Variants in AKAP6 observed in about 807,000 individuals in gnomAD.
AKAP6 encodes the protein A-kinase anchoring protein 6.
Under a neutral mutation model 188.5 loss-of-function variants are expected in AKAP6, and 58 were observed. That is an observed-to-expected ratio of 0.31 (90% CI 0.25 to 0.38). AKAP6 has a LOEUF of 0.38. Among genes scored for constraint, AKAP6 ranks in the 10% least tolerant of loss-of-function variants. The pLI is 1.00. For missense variants in AKAP6, 2,710 were observed against 2,740.0 expected (o/e 0.99, Z 0.24); for synonymous variants, 989 against 998.6 (o/e 0.99, Z 0.18).
At chr14:32,419,325 A>G (rs911765969) in intron 1 of AKAP6, among the ~76,000 whole-genome samples, 12 of 152,162 alleles carry the variant, frequency 7.9e-5, no homozygotes, top group African/African-American at 2.4e-4. Flanking sequence ...CTCTTTTTAC[A>G]TGTCTGGGAG....
At position 32,622,690 on chromosome 14, in the gene AKAP6, G is replaced by T. The variant is rs530715027; in HGVS notation, c.2730+21898G>T. On this transcript the variant is annotated intron_variant, in intron 7 of 13. Coordinates refer to ENST00000280979, the MANE Select transcript of AKAP6 (RefSeq NM_004274.5). ...ACAACATTTCTAAACTCATATAGTT[G>T]CTGTCAGGGTGGGAGTCTGACTTCT... 5.3e-5 allele frequency among the ~76,000 whole-genome samples: 8 copies of T among 152,190 alleles called. No individual in the cohort carries two copies. In the South Asian group the frequency reaches 1.7e-3, roughly 32 times the overall value.
At chr14:32,566,735 A>G (rs1384324879) in intron 4 of AKAP6, among the ~76,000 whole-genome samples, 1 of 152,206 alleles carries the variant, frequency 6.6e-6, no homozygotes, top group African/African-American at 2.4e-5. Flanking sequence ...AGCCAATAGT[A>G]CTTTGAAGTT....
chr14:32,818,688 C>T (rs958094529), intron 12 of AKAP6, among the ~76,000 whole-genome samples: 15 of 152,042 alleles, frequency 9.9e-5, no homozygotes, highest in African/African-American at 3.4e-4. Context: ...TTCGTAAAGC[C>T]GTAAAGGCAG....
At chr14:32,816,109 G>A (rs1462163855) in intron 12 of AKAP6, among the ~76,000 whole-genome samples, 1 of 152,172 alleles carries the variant, frequency 6.6e-6, no homozygotes, top group Non-Finnish European at 1.5e-5. Flanking sequence ...AAGAGGCAGA[G>A]TACTACAAAC....
chr14:32,452,519 G>C (rs1351319641), intron 2 of AKAP6, among the ~76,000 whole-genome samples: 1 of 152,058 alleles, frequency 6.6e-6, no homozygotes, highest in Non-Finnish European at 1.5e-5. Context: ...AATTGGAATT[G>C]CTTAGTCAGA....
chr14:32,589,843 A>G (rs900736584), intron 5 of AKAP6, among the ~76,000 whole-genome samples: 18 of 152,192 alleles, frequency 1.2e-4, no homozygotes, highest in Admixed American at 5.9e-4. Context: ...GTTTACAGAC[A>G]AGCCTCACAC....
At chr14:32,527,376 G>T (rs922673977) in intron 2 of AKAP6, among the ~76,000 whole-genome samples, 3 of 40,038 alleles carry the variant, frequency 7.5e-5, no homozygotes, top group African/African-American at 3.6e-4. Context: ...GGCAATCCTT[G>T]GTTGCTTCCA....
intron 4 of AKAP6, among the ~76,000 whole-genome samples, chr14:32,554,498 A>C (rs1384059863): frequency 1.3e-5 from 2 of 152,290 alleles, no homozygotes; most frequent in Non-Finnish European, 2.9e-5. Context: ...TAATGCTGCA[A>C]AGTGTGAGAG....
intron 11 of AKAP6, among the ~76,000 whole-genome samples, chr14:32,772,254 A>C (rs1273886792): frequency 1.3e-5 from 2 of 152,200 alleles, no homozygotes; most frequent in African/African-American, 4.8e-5. Context: ...AATTAATAGC[A>C]GCAGTAAAGA....
intron 3 of AKAP6, among the ~76,000 whole-genome samples, chr14:32,536,894 G>C (rs937679660): frequency 6.6e-6 from 1 of 152,124 alleles, no homozygotes; most frequent in African/African-American, 2.4e-5. Flanking sequence ...GGGTGTGTAC[G>C]CGCAGGCATG....
chr14:32,816,339 C>T lies in AKAP6; in HGVS notation c.3589-5063C>T, dbSNP rs141667620. 3.6e-3 allele frequency among the ~76,000 whole-genome samples: 551 copies of T among 152,198 alleles called. 6 individuals carry two copies. Among genetic ancestry groups the T allele is most frequent in the African/African-American group, 0.013 (524 of 41,530 alleles). On this transcript the variant is annotated intron_variant, in intron 12 of 13. Coordinates refer to ENST00000280979, the MANE Select transcript of AKAP6 (RefSeq NM_004274.5). The stretch of plus-strand genomic sequence containing the variant: ...TCCAGAGTAGCTAGGACAACAGGCA[C>T]ATGCCACCATGCCTGGCTAATTTTA...
At chr14:32,483,713 A>G (rs1357859037) in intron 2 of AKAP6, among the ~76,000 whole-genome samples, 3 of 151,942 alleles carry the variant, frequency 2.0e-5, no homozygotes, top group East Asian at 1.9e-4. Flanking sequence ...TGAACTCCCA[A>G]CCTCAGGTGA....
In AKAP6 at chr14:32,615,167, CAAA is replaced by C. The variant is rs71115086; in HGVS notation, c.2730+14392_2730+14394del. Among the ~76,000 whole-genome samples, 598 of 53,500 alleles carry C rather than the reference CAAA, an allele frequency of 0.011. 107 individuals carry two copies. In the East Asian group the frequency reaches 0.26, roughly 23 times the overall value. 35.1% of individuals were successfully genotyped at this position (53,500 alleles called of 152,430 possible). A position where few individuals can be genotyped will look rare whatever the true frequency, so the allele number is the denominator to read the frequency against. On this transcript the variant is annotated intron_variant, in intron 7 of 13. Coordinates refer to ENST00000280979, the MANE Select transcript of AKAP6 (RefSeq NM_004274.5). ...CTGGCAACAGAGCAAGACTCTGTCT[CAAA>C]AAAAAAAAAAAAAAAAGATAAACAA...
intron 5 of AKAP6, among the ~76,000 whole-genome samples, chr14:32,584,237 A>T (rs1294242326): frequency 2.0e-5 from 3 of 152,138 alleles, no homozygotes; most frequent in African/African-American, 7.2e-5. Flanking sequence ...CATGTATACC[A>T]TGTCTTTGAT....
chr14:32,337,802 C>G (rs1443964036), intron 1 of AKAP6, among the ~76,000 whole-genome samples: 1 of 148,236 alleles, frequency 6.7e-6, no homozygotes, highest in African/African-American at 2.5e-5. Flanking sequence ...TGAATTTTGA[C>G]TAAACTGAAA....
At chr14:32,615,393 A>C (rs1594784248) in intron 7 of AKAP6, among the ~76,000 whole-genome samples, 2 of 144,060 alleles carry the variant, frequency 1.4e-5, no homozygotes, top group Middle Eastern at 7.1e-3. Context: ...GACCTTCAGC[A>C]CTTCTTATAA....
At chr14:32,572,384 C>T (rs1357628639) in intron 4 of AKAP6, among the ~76,000 whole-genome samples, 2 of 152,206 alleles carry the variant, frequency 1.3e-5, no homozygotes, top group Non-Finnish European at 2.9e-5. Flanking sequence ...GTTTAAAAAT[C>T]ACCCTTCGAC....
At position 32,662,745 on chromosome 14, in the gene AKAP6, G is replaced by A. The variant is rs576093774; in HGVS notation, c.2731-15566G>A. 1.2e-4 allele frequency among the ~76,000 whole-genome samples: 18 copies of A among 152,186 alleles called. 1 individual carries two copies. The South Asian group carries it at 3.5e-3, about 30-fold the overall frequency. On this transcript the variant is annotated intron_variant, in intron 7 of 13. Coordinates refer to ENST00000280979, the MANE Select transcript of AKAP6 (RefSeq NM_004274.5). ...AGGTAATCTGTAGGATAATGCTTGG[G>A]CATTCTGTGAATGTTCTGTTTTCCG... is the stretch of plus-strand genomic sequence containing the variant.
intron 2 of AKAP6, among the ~76,000 whole-genome samples, chr14:32,462,921 A>AAAAAAAC (rs1891393868): frequency 6.8e-6 from 1 of 146,016 alleles, no homozygotes; most frequent in African/African-American, 2.6e-5. Context: ...AAAAAAAAAA[A>AAAAAAAC]AAAAACCCGG....
Sources: allele counts gnomAD v4.1 joint callset (sites outside exome capture counted in the v4.1 genomes callset), GRCh38; gene constraint gnomAD v4.1.1; transcripts MANE v1.5; gene names NCBI Gene and HGNC (gene_info 2026-07-23, HGNC 2026-07-21).